The following IGF2BP2 variants were observed in gnomAD, a reference collection of about 807,000 sequenced individuals.
The protein encoded by IGF2BP2 is insulin like growth factor 2 mRNA binding protein 2.
In IGF2BP2, 17 loss-of-function variants were observed where a neutral mutation model predicts 75.8. The observed-to-expected ratio is 0.22, with a 90% CI of 0.15 to 0.34. IGF2BP2 has a LOEUF of 0.34. Ranked by LOEUF, IGF2BP2 falls within the 10% of genes least tolerant of loss-of-function variation. The pLI, the probability that IGF2BP2 is intolerant of heterozygous loss-of-function variation, is 1.00. For missense variants in IGF2BP2, 516 were observed against 772.4 expected (o/e 0.67, Z 3.93); for synonymous variants, 288 against 295.6 (o/e 0.97, Z 0.26).
chr3:185,666,040 AGATAGATAGATAGATAGAGG>A (rs1717559704), intron 10 of IGF2BP2, among the ~76,000 whole-genome samples: 1 of 151,744 alleles, frequency 6.6e-6, no homozygotes, highest in Non-Finnish European at 1.5e-5. Context: ...ATAGATAGAT[AGATAGATAGATAGATAGAGG>A]AACTATGACC....
At chr3:185,696,516 T>C in intron 4 of IGF2BP2, 96 bp downstream of exon 4, 1 of 1,030,204 alleles carries the variant, frequency 9.7e-7, no homozygotes, top group South Asian at 1.3e-5. Context: ...TTCAAAGAAA[T>C]ATGAACTTAC....
chr3:185,769,972 G>A (rs535308371), intron 2 of IGF2BP2, among the ~76,000 whole-genome samples: 1 of 151,990 alleles, frequency 6.6e-6, no homozygotes, highest in East Asian at 1.9e-4. Context: ...CTCTAAAGAA[G>A]TGCCAACTGC....
At chr3:185,777,148 G>A (rs1411017714) in intron 2 of IGF2BP2, among the ~76,000 whole-genome samples, 1 of 152,138 alleles carries the variant, frequency 6.6e-6, no homozygotes, top group Admixed American at 6.5e-5. Context: ...ACTTAATGTT[G>A]TCAATAGCTT....
chr3:185,652,736 C>A (rs752327791), intron 12 of IGF2BP2, among the ~76,000 whole-genome samples: 1 of 152,182 alleles, frequency 6.6e-6, no homozygotes, highest in Non-Finnish European at 1.5e-5. Context: ...GAAATGGAGG[C>A]ACGTTGGTTC....
intron 2 of IGF2BP2, among the ~76,000 whole-genome samples, chr3:185,721,145 G>GA (rs1421719221): frequency 1.3e-5 from 2 of 152,104 alleles, no homozygotes; most frequent in African/African-American, 4.8e-5. Flanking sequence ...ACCAATTAAT[G>GA]AATGACACAC....
intron 2 of IGF2BP2, among the ~76,000 whole-genome samples, chr3:185,794,250 G>T (rs1333138763): frequency 6.6e-6 from 1 of 151,616 alleles, no homozygotes; most frequent in Non-Finnish European, 1.5e-5. Flanking sequence ...ACAGGTGTGA[G>T]CCACCACACC....
intron 2 of IGF2BP2, among the ~76,000 whole-genome samples, chr3:185,790,465 G>A (rs1350359504): frequency 2.0e-5 from 3 of 152,144 alleles, no homozygotes; most frequent in South Asian, 2.1e-4. Flanking sequence ...AACAGCCCAC[G>A]TAAATTATAC....
At chr3:185,648,487 A>T (rs1246255214) in intron 14 of IGF2BP2, among the ~76,000 whole-genome samples, 2 of 150,610 alleles carry the variant, frequency 1.3e-5, no homozygotes, top group Admixed American at 1.3e-4. Flanking sequence ...AAAAAGCTTT[A>T]CAAAAACAGC....
chr3:185,687,898 G>C (rs921723144), intron 6 of IGF2BP2, among the ~76,000 whole-genome samples: 1 of 151,676 alleles, frequency 6.6e-6, no homozygotes, highest in African/African-American at 2.4e-5. Context: ...CACACTTTGA[G>C]AGCTAACCCC....
intron 3 of IGF2BP2, 37 bp downstream of exon 3, chr3:185,698,262 T>C: frequency 6.4e-7 from 1 of 1,567,128 alleles, no homozygotes; most frequent in South Asian, 1.1e-5. Flanking sequence ...AAGGGAGAAA[T>C]GTCTCATCAA....
chr3:185,653,698 C>T (rs1317075195), intron 12 of IGF2BP2, among the ~76,000 whole-genome samples: 2 of 152,090 alleles, frequency 1.3e-5, no homozygotes, highest in Non-Finnish European at 2.9e-5. Flanking sequence ...ACACACATCT[C>T]ATAAGGTCCT....
intron 2 of IGF2BP2, among the ~76,000 whole-genome samples, chr3:185,812,197 G>A (rs182120854): frequency 2.6e-5 from 4 of 152,144 alleles, no homozygotes; most frequent in African/African-American, 9.6e-5. Flanking sequence ...ATAAGAGGAG[G>A]GCTGCTCTGC....
At chr3:185,770,251 A>G (rs1049607942) in intron 2 of IGF2BP2, among the ~76,000 whole-genome samples, 1 of 152,156 alleles carries the variant, frequency 6.6e-6, no homozygotes, top group Admixed American at 6.5e-5. Flanking sequence ...GTCATAGCAC[A>G]CCACATAGTT....
intron 2 of IGF2BP2, among the ~76,000 whole-genome samples, chr3:185,754,313 A>C (rs145955031): frequency 1.1e-4 from 16 of 152,168 alleles, no homozygotes; most frequent in Admixed American, 1.0e-3. Flanking sequence ...CATGACTAGA[A>C]GCTTCCACAG....
chr3:185,695,832 C>T (rs956571658), intron 4 of IGF2BP2, among the ~76,000 whole-genome samples: 1 of 152,134 alleles, frequency 6.6e-6, no homozygotes, highest in African/African-American at 2.4e-5. Flanking sequence ...ACTCTGTCAC[C>T]CAGGCTGGAG....
chr3:185,801,024 C>T (rs1433988490), intron 2 of IGF2BP2, among the ~76,000 whole-genome samples: 3 of 151,702 alleles, frequency 2.0e-5, no homozygotes, highest in African/African-American at 7.3e-5. Flanking sequence ...GAAAAAAAAA[C>T]AACTCCATAA....
rs151111656 is a variant in IGF2BP2 at position 185,658,353 on chromosome 3, C to A, written c.1257G>T (p.Pro419=). 1 of 1,613,720 alleles carries A rather than the reference C, an allele frequency of 6.2e-7. No homozygotes were observed. The highest frequency in any genetic ancestry group is 1.1e-5 in the South Asian group (1 of 91,044). The change falls in exon 11 of 16, where the codon CCG becomes CCT. Residue 419 remains proline, a synonymous_variant. Transcript: ENST00000382199. The stretch of plus-strand genomic sequence containing the variant: ...AGGGGGCACTTACAGAGTGATGATG[C>A]GGGAACGGGCCAAACTGGTGATGGG... The part of the protein sequence containing the change: ...LYPHHQFGPF[P]HHHSYPEQEI...
At chr3:185,693,741 T>C (rs978811028) in intron 4 of IGF2BP2, among the ~76,000 whole-genome samples, 2 of 152,224 alleles carry the variant, frequency 1.3e-5, no homozygotes, top group African/African-American at 2.4e-5. Context: ...ACTAGATCAA[T>C]TCTTCCCTTT....
chr3:185,752,590 T>A (rs1731102313), intron 2 of IGF2BP2, among the ~76,000 whole-genome samples: 1 of 152,124 alleles, frequency 6.6e-6, no homozygotes, highest in Non-Finnish European at 1.5e-5. Context: ...GAGCATAATT[T>A]TAAACTTTTT....
Sources: allele counts gnomAD v4.1 joint callset (sites outside exome capture counted in the v4.1 genomes callset), GRCh38; gene constraint gnomAD v4.1.1; transcripts MANE v1.5; gene names NCBI Gene and HGNC (gene_info 2026-07-23, HGNC 2026-07-21).